BNIP3L: variants seen among roughly 807,000 people sequenced by gnomAD.
The protein encoded by BNIP3L is BCL2/adenovirus E1B 19 kDa protein-interacting protein 3-like.
Under a neutral mutation model 25.5 loss-of-function variants are expected in BNIP3L, and 10 were observed. The ratio of observed to expected loss-of-function variants is 0.39; its 90% CI spans 0.24 to 0.67. BNIP3L has a LOEUF of 0.67. Among genes scored for constraint, BNIP3L ranks in the 30% least tolerant of loss-of-function variants. BNIP3L has a pLI of 0.45. For missense variants in BNIP3L, 215 were observed against 270.9 expected (o/e 0.79, Z 1.45); for synonymous variants, 113 against 101.2 (o/e 1.12, Z -0.70).
intron 3 of BNIP3L, among the ~76,000 whole-genome samples, chr8:26,399,970 G>A (rs1354891745): frequency 2.0e-4 from 30 of 150,822 alleles, no homozygotes; most frequent in Non-Finnish European, 3.2e-4. Context: ...AATCAATATC[G>A]TGAAAATGGC....
intron 1 of BNIP3L, among the ~76,000 whole-genome samples, chr8:26,383,792 C>T (rs1805917085): frequency 1.3e-5 from 2 of 152,132 alleles, no homozygotes; most frequent in Admixed American, 1.3e-4. Flanking sequence ...AATTCATTTG[C>T]TCGTCTAGGG....
In BNIP3L at chr8:26,408,435, T is replaced by C. The variant is rs1806547127; in HGVS notation, c.611+59T>C. 4 of 1,534,348 alleles carry C rather than the reference T, an allele frequency of 2.6e-6. No homozygotes were observed. In the Admixed American group the frequency reaches 8.0e-5, roughly 31 times the overall value. On this transcript the variant is annotated intron_variant, in intron 5 of 5. Transcript: ENST00000380629. ...TTCATTTTATCCTCTTATTTTCAGATTGAAGAAATGTATGTGAAAGCAGTT... is the reference window on the plus strand; with the variant it reads ...TTCATTTTATCCTCTTATTTTCAGACTGAAGAAATGTATGTGAAAGCAGTT...
chr8:26,398,828 A>T (rs1806306538), intron 3 of BNIP3L, among the ~76,000 whole-genome samples: 1 of 152,188 alleles, frequency 6.6e-6, no homozygotes, highest in African/African-American at 2.4e-5. Context: ...AGAAATGGAT[A>T]CATTCCTCGA....
intron 1 of BNIP3L, chr8:26,390,388 C>A (rs1806076659): frequency 1.0e-6 from 1 of 985,300 alleles, no homozygotes; most frequent in Non-Finnish European, 1.2e-6. Context: ...AACTTTTTGT[C>A]CAAGAAAACT....
At chr8:26,409,097 A>T (rs550071400) in intron 5 of BNIP3L, among the ~76,000 whole-genome samples, 28 of 152,102 alleles carry the variant, frequency 1.8e-4, no homozygotes, top group African/African-American at 6.3e-4. Context: ...GTTTTTTTTA[A>T]TGAAACTGGT....
At chr8:26,391,478 G>T in intron 2 of BNIP3L, 52 bp downstream of exon 2, 1 of 1,411,514 alleles carries the variant, frequency 7.1e-7, no homozygotes, top group Admixed American at 2.9e-5. Context: ...GGGTTACAGG[G>T]CTCATTCACT....
rs926966983 is a variant in BNIP3L at position 26,388,766 on chromosome 8, T to C, written c.101-2477T>C. On this transcript the variant is annotated intron_variant, in intron 1 of 5. Coordinates refer to ENST00000380629, the MANE Select transcript of BNIP3L (RefSeq NM_004331.3). ...TGGGAGGATTGCTGAAGCCCAGGAG[T>C]TTGAGACCAACCTGGGCAATGTAGG... Among the ~76,000 whole-genome samples, 4 of 151,404 alleles carry C rather than the reference T, an allele frequency of 2.6e-5. 1 individual carries two copies. The highest frequency in any genetic ancestry group is 5.9e-5 in the Non-Finnish European group (4 of 67,904).
chr8:26,393,376 G>A (rs1806156360), intron 2 of BNIP3L, among the ~76,000 whole-genome samples: 1 of 141,508 alleles, frequency 7.1e-6, no homozygotes, highest in Admixed American at 7.3e-5. Flanking sequence ...CTGTCACAGG[G>A]GTTTTCACCT....
chr8:26,394,380 T>G (rs1469341713), intron 2 of BNIP3L, among the ~76,000 whole-genome samples: 1 of 152,144 alleles, frequency 6.6e-6, no homozygotes, highest in Non-Finnish European at 1.5e-5. Flanking sequence ...GTTCTCAAAG[T>G]TTTTGGTCAT....
rs76877628 is a variant in BNIP3L at position 26,407,782 on chromosome 8, A to C, written c.358-218A>C. ...TATGCAGTTCCTGTGCTGTGCTTAG[A>C]TATCCCAACAGTGAAGCTCACTCAG... On this transcript the variant is annotated intron_variant, in intron 3 of 5. Transcript: ENST00000380629. 7.1e-3 allele frequency among the ~76,000 whole-genome samples: 1,076 copies of C among 152,330 alleles called. 9 individuals are homozygous for C. Among genetic ancestry groups the C allele is most frequent in the African/African-American group, 0.024 (1,015 of 41,564 alleles).
intron 2 of BNIP3L, among the ~76,000 whole-genome samples, chr8:26,393,343 T>C (rs1380374585): frequency 6.7e-6 from 1 of 148,542 alleles, no homozygotes; most frequent in African/African-American, 2.5e-5. Flanking sequence ...GGAACCCCAG[T>C]GTGTTCTGCT....
At chr8:26,390,624 G>C in intron 1 of BNIP3L, 2 of 892,896 alleles carry the variant, frequency 2.2e-6, no homozygotes, top group Non-Finnish European at 1.3e-6. Context: ...TGAATTTTTA[G>C]CATTATTACC....
chr8:26,388,724 A>G (rs1413587716), intron 1 of BNIP3L, among the ~76,000 whole-genome samples: 1 of 152,114 alleles, frequency 6.6e-6, no homozygotes, highest in Non-Finnish European at 1.5e-5. Flanking sequence ...TAAGCCCAGC[A>G]CTTTGGGAGG....
chr8:26,391,146 G>A (rs1806100377), intron 1 of BNIP3L, 97 bp from the exon 2 acceptor site: 1 of 1,030,606 alleles, frequency 9.7e-7, no homozygotes, highest in South Asian at 2.1e-5. Flanking sequence ...GGTTTGAGGA[G>A]AGTCAGAATT....
intron 1 of BNIP3L, among the ~76,000 whole-genome samples, chr8:26,385,400 C>T (rs1420247635): frequency 6.6e-6 from 1 of 151,834 alleles, no homozygotes; most frequent in Non-Finnish European, 1.5e-5. Flanking sequence ...AGTTCGAGAC[C>T]AGCCTGGCCA....
At chr8:26,384,250 T>G (rs1417921904) in intron 1 of BNIP3L, among the ~76,000 whole-genome samples, 1 of 152,168 alleles carries the variant, frequency 6.6e-6, no homozygotes, top group Non-Finnish European at 1.5e-5. Context: ...CAAAACCACT[T>G]GGATGCTTAA....
chr8:26,397,032 A>C (rs1353419448), intron 3 of BNIP3L, among the ~76,000 whole-genome samples: 8 of 25,782 alleles, frequency 3.1e-4, no homozygotes, highest in African/African-American at 1.3e-3. Flanking sequence ...AATGGAACCA[A>C]GTTGGAAAAC....
chr8:26,407,746 A>C (rs1806532621), intron 3 of BNIP3L, among the ~76,000 whole-genome samples: 1 of 152,184 alleles, frequency 6.6e-6, no homozygotes, highest in Admixed American at 6.5e-5. Flanking sequence ...TTACATCCCA[A>C]AGTACAGTCT....
At chr8:26,404,508 C>G (rs1563342523) in intron 3 of BNIP3L, among the ~76,000 whole-genome samples, 1 of 152,084 alleles carries the variant, frequency 6.6e-6, no homozygotes, top group Non-Finnish European at 1.5e-5. Flanking sequence ...CTAGAACGAT[C>G]AGAATCTTCT....
Sources: gnomAD v4.1 joint callset for allele counts (sites outside exome capture counted in the v4.1 genomes callset) on GRCh38, gnomAD v4.1.1 for gene constraint, MANE v1.5 for transcripts, NCBI Gene and HGNC (gene_info 2026-07-23, HGNC 2026-07-21) for gene names.